Variants in MEI1 observed in about 807,000 individuals in gnomAD.
MEI1 encodes the protein meiosis inhibitor protein 1.
A neutral mutation model predicts 146.2 loss-of-function variants in MEI1; 103 were observed. The observed-to-expected ratio is 0.70, with a 90% CI of 0.60 to 0.83. The LOEUF is 0.83. MEI1 is among the 40% of genes least tolerant of loss of function. The pLI, the probability that MEI1 is intolerant of heterozygous loss-of-function variation, is 0.00. For synonymous variants in MEI1, 652 were observed against 628.2 expected (o/e 1.04, Z -0.57); for missense variants, 1,529 against 1,533.0 (o/e 1.00, Z 0.04).
At chr22:41,707,619 G>A (rs1486508408) in intron 3 of MEI1, among the ~76,000 whole-genome samples, 1 of 152,078 alleles carries the variant, frequency 6.6e-6, no homozygotes, top group Non-Finnish European at 1.5e-5. Flanking sequence ...GTCCAACATG[G>A]GCAACATAGC....
Position 41,718,394 on chromosome 22 carries a change from CA to C in MEI1, c.733+122del, listed in dbSNP as rs1420858825. On this transcript the variant is annotated intron_variant, in intron 6 of 30. Transcript: ENST00000401548. The stretch of plus-strand genomic sequence containing the variant: ...GCTGTTTTGCAAAAGGTAGAAGCCA[CA>C]AGGCTTGAGAGATAAGAGACACACT... 6.8e-6 allele frequency: 6 copies of C among 876,240 alleles called. No individual in the cohort carries two copies. In the East Asian group the frequency reaches 1.6e-4, roughly 23 times the overall value. 54.3% of individuals were successfully genotyped at this position (876,240 alleles called of 1,614,324 possible).
intron 7 of MEI1, among the ~76,000 whole-genome samples, chr22:41,725,902 A>G (rs753814108): frequency 1.1e-4 from 17 of 152,060 alleles, no homozygotes; most frequent in Non-Finnish European, 2.2e-4. Context: ...AGAGCTGCAA[A>G]CCCTGATGTG....
At chr22:41,746,161 C>T in intron 14 of MEI1, 135 bp downstream of exon 14, 1 of 675,192 alleles carries the variant, frequency 1.5e-6, no homozygotes, top group Non-Finnish European at 2.2e-6. Context: ...ATTCTTGCTG[C>T]TACCTTTCCT....
In MEI1 at chr22:41,793,032, CTTTTTTTTTT is replaced by C. The variant is rs869223251; in HGVS notation, c.3346-775_3346-766del. ...ATCTTCTTTTCTGAAACAAAGCATTCTTTTTTTTTTTTTTTTTTTTTTTTTTTTTTTCAGA... is the reference window on the plus strand; with the variant it reads ...ATCTTCTTTTCTGAAACAAAGCATTCTTTTTTTTTTTTTTTTTTTTTCAGA... On this transcript the variant is annotated intron_variant, in intron 26 of 30. Coordinates refer to ENST00000401548, the MANE Select transcript of MEI1 (RefSeq NM_152513.4). Among the ~76,000 whole-genome samples the C allele has an allele frequency of 2.9e-4, 14 of 48,450 alleles. 1 individual carries two copies. The South Asian group carries it at 9.6e-3, about 33-fold the overall frequency. The allele number at this position is 48,450 out of a possible 152,430, so 31.8% of individuals were successfully genotyped here.
chr22:41,724,125 G>A, intron 7 of MEI1, 52 bp downstream of exon 7: 1 of 1,604,070 alleles, frequency 6.2e-7, no homozygotes, highest in South Asian at 1.1e-5. Context: ...GGGGACCCAA[G>A]TGCTTCTTGG....
At chr22:41,747,949 T>A in intron 14 of MEI1, among the ~76,000 whole-genome samples, 158 bp from the exon 15 acceptor site, 1 of 152,132 alleles carries the variant, frequency 6.6e-6, no homozygotes, top group East Asian at 1.9e-4. Context: ...TATCAGGTGA[T>A]CCAAGCCTTA....
intron 9 of MEI1, 82 bp downstream of exon 9, chr22:41,730,719 C>A: frequency 3.6e-6 from 3 of 841,122 alleles, no homozygotes; most frequent in South Asian, 1.4e-5. Context: ...TGATGGGGGG[C>A]TAGCCTCCAC....
rs1293971522 is a variant in MEI1 at position 41,784,410 on chromosome 22, A to G, written c.3159A>G (p.Ala1053=). ...KALSFPKKKA[A]LLSAAILCFL... ...TCAGCTTTCCAAAGAAAAAGGCTGC[A>G]CTACTCTCAGGTATGGGTCCACAAG... is the stretch of plus-strand genomic sequence containing the variant. The change falls in exon 25 of 31, where the codon GCA becomes GCG. Residue 1053 remains alanine, a synonymous_variant. Coordinates refer to ENST00000401548, the MANE Select transcript of MEI1 (RefSeq NM_152513.4). 6.2e-7 allele frequency: 1 copy of G among 1,613,978 alleles called. No individual in the cohort carries two copies. Among genetic ancestry groups the G allele is most frequent in the Non-Finnish European group, 8.5e-7 (1 of 1,179,882 alleles).
Position 41,754,426 on chromosome 22 carries a change from CTTTTTCTTTTTG to C in MEI1, c.1951+391_1951+402del, listed in dbSNP as rs531498832. Among the ~76,000 whole-genome samples the C allele has an allele frequency of 4.1e-3, 622 of 151,704 alleles. 4 individuals carry two copies. The highest frequency in any genetic ancestry group is 6.7e-3 in the Non-Finnish European group (457 of 67,836). ...CAAGTAGTGTTTCTTTTTTCTTTTT[CTTTTTCTTTTTG>C]TTTTTCTTTTATTTTAAGACAGTCT... On this transcript the variant is annotated intron_variant, in intron 17 of 30. Transcript: ENST00000401548.
chr22:41,749,071 T>C (rs1398026178), intron 15 of MEI1, among the ~76,000 whole-genome samples: 1 of 152,212 alleles, frequency 6.6e-6, no homozygotes, highest in East Asian at 1.9e-4. Flanking sequence ...CCCAAAGTGC[T>C]GGGATTACAG....
chr22:41,757,778 G>A (rs570295731), intron 17 of MEI1, among the ~76,000 whole-genome samples: 1 of 152,284 alleles, frequency 6.6e-6, no homozygotes, highest in Admixed American at 6.5e-5. Context: ...GCCAGTTCCT[G>A]GAGGTAGGGC....
At chr22:41,752,946 C>CA (rs2073866962) in intron 16 of MEI1, among the ~76,000 whole-genome samples, 1 of 151,846 alleles carries the variant, frequency 6.6e-6, no homozygotes, top group African/African-American at 2.4e-5. Flanking sequence ...TTTGGGAGGC[C>CA]AAGATGGGAG....
chr22:41,754,050 A>G lies in MEI1; in HGVS notation c.1951+4A>G. The G allele has an allele frequency of 6.2e-7, 1 of 1,601,344 alleles. No homozygotes were observed. The highest frequency in any genetic ancestry group is 8.6e-7 in the Non-Finnish European group (1 of 1,168,536). On this transcript the variant is annotated splice_donor_region_variant and intron_variant, in intron 17 of 30. Transcript: ENST00000401548. ...ACAGGACCACCTTCCAAAGAAGGTA[A>G]GATGCTACAATTTGACCACTCATGT...
Position 41,699,653 on chromosome 22 carries a change from G to A in MEI1, c.115G>A (p.Val39Met). 1 of 1,590,744 alleles carries A rather than the reference G, an allele frequency of 6.3e-7. No homozygotes were observed. The highest frequency in any genetic ancestry group is 8.6e-7 in the Non-Finnish European group (1 of 1,168,560). Residue 39 changes from valine to methionine, a missense_variant, in exon 1 of 31, where the codon GTG becomes ATG. Val to Met is a conservative substitution (Grantham distance 21, BLOSUM62 1). Transcript: ENST00000401548. ...GCACGACCCGCGCTGGCTGCTGCCC[G>A]TGACCCCCCGCCTGTGCCTGGCCTG... ...YRHDPRWLLPVTPRLCLACAL... is the reference protein window; with the variant it reads ...YRHDPRWLLPMTPRLCLACAL...
intron 3 of MEI1, among the ~76,000 whole-genome samples, chr22:41,706,217 C>G (rs2069085071): frequency 6.6e-6 from 1 of 152,060 alleles, no homozygotes. Flanking sequence ...CAGGGACTTA[C>G]CATATTGACT....
intron 3 of MEI1, among the ~76,000 whole-genome samples, chr22:41,708,419 C>G (rs1267081399): frequency 1.4e-5 from 2 of 145,256 alleles, no homozygotes; most frequent in Non-Finnish European, 3.0e-5. Context: ...TTTTTTTTTT[C>G]CAAGCCAAAC....
intron 3 of MEI1, among the ~76,000 whole-genome samples, chr22:41,712,812 T>C (rs1186124237): frequency 2.8e-5 from 4 of 144,446 alleles, no homozygotes; most frequent in Non-Finnish European, 6.1e-5. Flanking sequence ...TTTGTTTGTT[T>C]TTTTTTTTTT....
chr22:41,700,935 CTTTCTTTTTTTT>C (rs2068671011), intron 1 of MEI1, among the ~76,000 whole-genome samples: 3 of 144,072 alleles, frequency 2.1e-5, no homozygotes, highest in African/African-American at 7.8e-5. Flanking sequence ...TGATTTCTTT[CTTTCTTTTTTTT>C]TTTTTTTTTG....
intron 7 of MEI1, among the ~76,000 whole-genome samples, chr22:41,725,353 C>A (rs2071234807): frequency 1.3e-5 from 2 of 152,022 alleles, no homozygotes; most frequent in Non-Finnish European, 2.9e-5. Flanking sequence ...ACCTTGTGAT[C>A]CGCCTGCCTC....
Sources: allele counts gnomAD v4.1 joint callset (sites outside exome capture counted in the v4.1 genomes callset), GRCh38; gene constraint gnomAD v4.1.1; transcripts MANE v1.5; gene names NCBI Gene and HGNC (gene_info 2026-07-23, HGNC 2026-07-21).